The following DCLK2 variants were observed in gnomAD, a reference collection of about 807,000 sequenced individuals.
DCLK2 encodes the protein serine/threonine-protein kinase DCLK2.
DCLK2 carries 31 observed loss-of-function variants against 78.4 expected under a neutral mutation model. The observed-to-expected ratio is 0.40, with a 90% CI of 0.30 to 0.53. The LOEUF is 0.53. Ranked by LOEUF, DCLK2 falls within the 20% of genes least tolerant of loss-of-function variation. DCLK2 has a pLI of 0.61. For synonymous variants in DCLK2, 407 were observed against 374.9 expected (o/e 1.09, Z -0.99); for missense variants, 872 against 973.7 (o/e 0.90, Z 1.39).
chr4:150,217,978 GAGGCTTTGTT>G (rs1740853289), intron 5 of DCLK2, among the ~76,000 whole-genome samples: 1 of 152,142 alleles, frequency 6.6e-6, no homozygotes. Context: ...GTGTTTAGTG[GAGGCTTTGTT>G]AGGTACACTT....
chr4:150,210,361 GA>G (rs1740199774), intron 5 of DCLK2, among the ~76,000 whole-genome samples: 1 of 152,176 alleles, frequency 6.6e-6, no homozygotes, highest in Non-Finnish European at 1.5e-5. Context: ...GTACAAGGGG[GA>G]AAGAGAAGGT....
chr4:150,206,338 A>G (rs1386012246), intron 5 of DCLK2, among the ~76,000 whole-genome samples: 1 of 152,164 alleles, frequency 6.6e-6, no homozygotes, highest in East Asian at 1.9e-4. Flanking sequence ...AGCATTTAGC[A>G]CACAGTAAAT....
At chr4:150,093,375 C>A (rs1355518575) in intron 1 of DCLK2, among the ~76,000 whole-genome samples, 2 of 152,164 alleles carry the variant, frequency 1.3e-5, no homozygotes, top group East Asian at 3.9e-4. Context: ...ATGAAAATCC[C>A]AATGACATAT....
At chr4:150,091,104 TCTTA>T (rs1426204120) in intron 1 of DCLK2, among the ~76,000 whole-genome samples, 2 of 152,128 alleles carry the variant, frequency 1.3e-5, no homozygotes, top group Non-Finnish European at 2.9e-5. Context: ...AATAAATCAG[TCTTA>T]CTTTTTCTTA....
intron 5 of DCLK2, among the ~76,000 whole-genome samples, chr4:150,204,810 T>C (rs1739723003): frequency 6.6e-6 from 1 of 151,840 alleles, no homozygotes; most frequent in Non-Finnish European, 1.5e-5. Context: ...GAGAATCACT[T>C]GCACCCAGGA....
chr4:150,227,251 C>T (rs1741691446), intron 8 of DCLK2, among the ~76,000 whole-genome samples: 1 of 152,242 alleles, frequency 6.6e-6, no homozygotes, highest in South Asian at 2.1e-4. Flanking sequence ...CATTCTTACT[C>T]TCCCTCACCT....
chr4:150,138,854 C>T (rs1325687985), intron 2 of DCLK2, among the ~76,000 whole-genome samples: 1 of 151,968 alleles, frequency 6.6e-6, no homozygotes, highest in East Asian at 2.0e-4. Flanking sequence ...TTAGTAGAGA[C>T]AGGGTTTCAC....
At chr4:150,213,308 TA>T (rs1220493222) in intron 5 of DCLK2, among the ~76,000 whole-genome samples, 1 of 152,208 alleles carries the variant, frequency 6.6e-6, no homozygotes, top group Non-Finnish European at 1.5e-5. Context: ...CCACAAGTCT[TA>T]AGTGCCACTG....
chr4:150,193,766 G>A lies in DCLK2; in HGVS notation c.859+526G>A, dbSNP rs180842501. 1.8e-3 allele frequency among the ~76,000 whole-genome samples: 270 copies of A among 151,208 alleles called. 1 individual carries two copies. Among genetic ancestry groups the A allele is most frequent in the African/African-American group, 6.4e-3 (264 of 41,192 alleles). On this transcript the variant is annotated intron_variant, in intron 3 of 15. Coordinates refer to ENST00000296550, the MANE Select transcript of DCLK2 (RefSeq NM_001040260.4). ...TGGTAGCAACATTTTTTTTTTAATT[G>A]AGACAGTGTCTCCTTTTGTCTCCCA...
At chr4:150,109,437 C>T (rs1188805975) in intron 2 of DCLK2, among the ~76,000 whole-genome samples, 1 of 151,882 alleles carries the variant, frequency 6.6e-6, no homozygotes, top group African/African-American at 2.4e-5. Context: ...CTGGTTCAAG[C>T]GATTCTCCTG....
intron 2 of DCLK2, among the ~76,000 whole-genome samples, chr4:150,132,430 G>T (rs1733383172): frequency 6.6e-6 from 1 of 152,180 alleles, no homozygotes; most frequent in South Asian, 2.1e-4. Context: ...ATTTTAGAGA[G>T]CAAGCAAAAG....
chr4:150,141,465 TA>T (rs1370046965), intron 2 of DCLK2, among the ~76,000 whole-genome samples: 1 of 152,186 alleles, frequency 6.6e-6, no homozygotes, highest in East Asian at 1.9e-4. Context: ...AATAAGCACT[TA>T]AAGTTTTGGT....
rs1733690640 is a variant in DCLK2 at position 150,136,507 on chromosome 4, A to G, written c.756+33695A>G. 2.0e-5 allele frequency among the ~76,000 whole-genome samples: 3 copies of G among 152,218 alleles called. No individual in the cohort carries two copies. The South Asian group carries it at 6.2e-4, about 32-fold the overall frequency. ...CAAACTGGTGTCATTAGATGGCATG[A>G]GATTCAAAGGAATGGGGTTTTTGTT... On this transcript the variant is annotated intron_variant, in intron 2 of 15. Transcript: ENST00000296550.
chr4:150,123,947 G>A (rs895271302), intron 2 of DCLK2, among the ~76,000 whole-genome samples: 1 of 152,000 alleles, frequency 6.6e-6, no homozygotes, highest in African/African-American at 2.4e-5. Flanking sequence ...GGCTGAGGTG[G>A]GAGGATCGTT....
chr4:150,149,721 T>G (rs1390971779), intron 2 of DCLK2, among the ~76,000 whole-genome samples: 1 of 152,240 alleles, frequency 6.6e-6, no homozygotes, highest in Non-Finnish European at 1.5e-5. Context: ...AACACATTTT[T>G]CTTTGCCAAT....
intron 2 of DCLK2, among the ~76,000 whole-genome samples, chr4:150,114,219 T>C (rs1426662787): frequency 6.6e-6 from 1 of 152,236 alleles, no homozygotes; most frequent in East Asian, 1.9e-4. Flanking sequence ...GTATATTCTG[T>C]AGTTATTGAA....
rs776802398 is a variant in DCLK2 at position 150,079,337 on chromosome 4, A to T, written c.310A>T (p.Ile104Leu). Residue 104 changes from isoleucine (I) to leucine (L), a missense_variant, in exon 1 of 16, where the codon ATA becomes TTA. This residue lies in a region of DCLK2 where 567 missense variants were observed against 593.4 expected (regional missense o/e 0.96). Transcript: ENST00000296550. ...CTTCCGGTCCTTCGATGCGCTCCTC[A>T]TAGAGCTCACCCGCTCCCTGTCGGA... ...DRFRSFDALLIELTRSLSDNV... is the reference protein window; with the variant it reads ...DRFRSFDALLLELTRSLSDNV... The T allele has an allele frequency of 1.9e-6, 3 of 1,588,856 alleles. No homozygotes were observed. Among genetic ancestry groups the T allele is most frequent in the East Asian group, 2.3e-5 (1 of 43,212 alleles).
chr4:150,248,581 C>CTCT (rs1376714432), intron 14 of DCLK2, among the ~76,000 whole-genome samples, 196 bp downstream of exon 14: 1 of 152,234 alleles, frequency 6.6e-6, no homozygotes, highest in Non-Finnish European at 1.5e-5. Flanking sequence ...GTCTTAGACC[C>CTCT]TGCCCCGCGA....
intron 2 of DCLK2, among the ~76,000 whole-genome samples, chr4:150,188,633 G>A (rs1738137357): frequency 6.6e-6 from 1 of 152,126 alleles, no homozygotes; most frequent in Non-Finnish European, 1.5e-5. Context: ...CGGGCATGGT[G>A]GCTCACGCCT....
Sources: gnomAD v4.1 joint callset for allele counts (sites outside exome capture counted in the v4.1 genomes callset) on GRCh38, gnomAD v4.1.1 for gene constraint, gnomAD v4.1.1 regional missense constraint, MANE v1.5 for transcripts, NCBI Gene and HGNC (gene_info 2026-07-23, HGNC 2026-07-21) for gene names.